The following MYO3B variants were observed in gnomAD, a reference collection of about 807,000 sequenced individuals.
The protein encoded by MYO3B is myosin-IIIb.
Under a neutral mutation model 174.6 loss-of-function variants are expected in MYO3B, and 156 were observed. The ratio of observed to expected loss-of-function variants is 0.89; its 90% CI spans 0.78 to 1.02. The LOEUF is 1.02. Among genes scored for constraint, MYO3B ranks in the 50% least tolerant of loss-of-function variants. MYO3B has a pLI of 0.00. For missense variants in MYO3B, 1,632 were observed against 1,639.4 expected (o/e 1.00, Z 0.08); for synonymous variants, 563 against 569.1 (o/e 0.99, Z 0.15).
chr2:170,312,046 CT>C (rs1410844635), intron 7 of MYO3B, among the ~76,000 whole-genome samples: 1 of 152,168 alleles, frequency 6.6e-6, no homozygotes, highest in East Asian at 1.9e-4. Context: ...GTGCTCTTTT[CT>C]TATTTTTCAA....
At chr2:170,518,446 A>G (rs1454014773) in intron 29 of MYO3B, among the ~76,000 whole-genome samples, 1 of 152,186 alleles carries the variant, frequency 6.6e-6, no homozygotes, top group Non-Finnish European at 1.5e-5. Flanking sequence ...GGTAGTGACT[A>G]CTTGGAACAG....
At chr2:170,251,983 CT>C (rs1302041146) in intron 7 of MYO3B, among the ~76,000 whole-genome samples, 1 of 152,176 alleles carries the variant, frequency 6.6e-6, no homozygotes, top group Non-Finnish European at 1.5e-5. Flanking sequence ...CTAAGTTCAA[CT>C]TTGAGACCAG....
intron 7 of MYO3B, among the ~76,000 whole-genome samples, chr2:170,274,884 T>C (rs749590998): frequency 3.3e-5 from 5 of 152,238 alleles, no homozygotes; most frequent in Non-Finnish European, 7.3e-5. Flanking sequence ...TTTTGCATCA[T>C]TTTACCCAAT....
chr2:170,277,312 A>G (rs1411451425), intron 7 of MYO3B, among the ~76,000 whole-genome samples: 2 of 152,226 alleles, frequency 1.3e-5, no homozygotes, highest in Non-Finnish European at 2.9e-5. Flanking sequence ...AGGATTTCCC[A>G]AGAAACTAAA....
intron 6 of MYO3B, among the ~76,000 whole-genome samples, chr2:170,233,707 G>A (rs1339579953): frequency 6.6e-6 from 1 of 152,240 alleles, no homozygotes; most frequent in Non-Finnish European, 1.5e-5. Flanking sequence ...CAGCTCAGAA[G>A]AGAAGAGTAC....
At chr2:170,382,669 C>T (rs943058930) in intron 10 of MYO3B, 1 of 178,560 alleles carries the variant, frequency 5.6e-6, no homozygotes, top group Non-Finnish European at 1.2e-5. Flanking sequence ...ATTTATGCCA[C>T]CTAGGTTTTA....
intron 22 of MYO3B, among the ~76,000 whole-genome samples, chr2:170,421,004 TC>T (rs768467528): frequency 2.1e-4 from 32 of 152,058 alleles, no homozygotes; most frequent in Non-Finnish European, 4.6e-4. Flanking sequence ...GAATGTAAAT[TC>T]CATTAGGACA....
chr2:170,422,562 G>A (rs541334743), intron 22 of MYO3B, among the ~76,000 whole-genome samples: 39 of 151,668 alleles, frequency 2.6e-4, no homozygotes, highest in African/African-American at 7.7e-4. Context: ...AGGTTCAAGC[G>A]ATTCTCCTGC....
chr2:170,398,777 C>T (rs2094456135), intron 16 of MYO3B, among the ~76,000 whole-genome samples: 1 of 152,120 alleles, frequency 6.6e-6, no homozygotes, highest in South Asian at 2.1e-4. Flanking sequence ...TCCGGGAACC[C>T]CCAATTCATA....
chr2:170,447,789 T>C (rs1302173037), intron 23 of MYO3B, among the ~76,000 whole-genome samples: 1 of 152,112 alleles, frequency 6.6e-6, no homozygotes, highest in Non-Finnish European at 1.5e-5. Flanking sequence ...TAGTCAAGGA[T>C]TGGAGTTTTG....
At chr2:170,211,578 G>A (rs2092771097) in intron 3 of MYO3B, among the ~76,000 whole-genome samples, 1 of 152,306 alleles carries the variant, frequency 6.6e-6, no homozygotes, top group Non-Finnish European at 1.5e-5. Context: ...GTAACCCAGT[G>A]AAAGGAAGAT....
rs768421277 is a variant in MYO3B at position 170,515,031 on chromosome 2, T to G, written c.3472+9T>G. On this transcript the variant is annotated intron_variant, in intron 29 of 34. Transcript: ENST00000408978. Reference sequence around the variant, plus strand: ...GCCTGGTGACCATAAAGGTAGAGTCTTTCGAGATTTAGAATGAGTGTTCTA... The same window carrying G: ...GCCTGGTGACCATAAAGGTAGAGTCGTTCGAGATTTAGAATGAGTGTTCTA... The G allele has an allele frequency of 3.1e-6, 5 of 1,611,352 alleles. No individual in the cohort carries two copies. Among genetic ancestry groups the G allele is most frequent in the Non-Finnish European group, 3.4e-6 (4 of 1,178,332 alleles).
rs533830155 is a variant in MYO3B at position 170,239,631 on chromosome 2, G to A, written c.749+3495G>A. ...GGAAATGGACAGCACAGGCTGGCCT[G>A]AACATTCCAGTCCCTGAAGCTGGTG... On this transcript the variant is annotated intron_variant, in intron 7 of 34. Transcript: ENST00000408978. Among the ~76,000 whole-genome samples, 5 of 152,368 alleles carry A rather than the reference G, an allele frequency of 3.3e-5. No homozygotes were observed. The East Asian group carries it at 9.6e-4, about 29-fold the overall frequency.
intron 32 of MYO3B, among the ~76,000 whole-genome samples, chr2:170,588,788 T>G (rs1693647144): frequency 6.6e-6 from 1 of 152,208 alleles, no homozygotes; most frequent in East Asian, 1.9e-4. Context: ...AAAACACTGA[T>G]GCAATTCTGG....
At chr2:170,387,061 T>C (rs763826515) in intron 13 of MYO3B, 45 bp from the exon 14 acceptor site, 1 of 1,600,216 alleles carries the variant, frequency 6.2e-7, no homozygotes, top group South Asian at 1.1e-5. Context: ...TTTGCTGGTG[T>C]AATGTTTCTG....
intron 7 of MYO3B, among the ~76,000 whole-genome samples, chr2:170,267,091 T>C (rs1449770058): frequency 7.2e-6 from 1 of 139,388 alleles, no homozygotes; most frequent in African/African-American, 2.5e-5. Context: ...CTGTTCTCAG[T>C]GGCTCAACAG....
At chr2:170,270,842 T>A (rs1453724501) in intron 7 of MYO3B, among the ~76,000 whole-genome samples, 1 of 152,200 alleles carries the variant, frequency 6.6e-6, no homozygotes, top group African/African-American at 2.4e-5. Context: ...CATTTGGCCC[T>A]TTTCACTGTG....
intron 18 of MYO3B, 44 bp from the exon 19 acceptor site, chr2:170,402,804 G>A (rs1369863776): frequency 6.5e-7 from 1 of 1,538,106 alleles, no homozygotes; most frequent in Non-Finnish European, 8.8e-7. Context: ...TCTTTAGGTG[G>A]GTGTTTCCTC....
rs543479265 is a variant in MYO3B, at chr2:170,395,736, G to A, written c.1791+3241G>A. 9.3e-4 allele frequency among the ~76,000 whole-genome samples: 142 copies of A among 152,194 alleles called. 1 individual carries two copies. The highest frequency in any genetic ancestry group is 3.2e-3 in the African/African-American group (131 of 41,534). ...ATGCAGTGCTTAGGGAAGAACTGAT[G>A]AAAAACTGACGAGATTTACAAAAAA... is the stretch of plus-strand genomic sequence containing the variant. On this transcript the variant is annotated intron_variant, in intron 16 of 34. Coordinates refer to ENST00000408978, the MANE Select transcript of MYO3B (RefSeq NM_138995.5).
Sources: allele counts gnomAD v4.1 joint callset (sites outside exome capture counted in the v4.1 genomes callset), GRCh38; gene constraint gnomAD v4.1.1; transcripts MANE v1.5; gene names NCBI Gene and HGNC (gene_info 2026-07-23, HGNC 2026-07-21).